Variants in CCDC60 observed in about 807,000 individuals in gnomAD.
CCDC60 encodes coiled-coil domain containing 60, also known as coiled-coil domain-containing protein 60.
A neutral mutation model predicts 63.5 loss-of-function variants in CCDC60; 54 were observed. The ratio of observed to expected loss-of-function variants is 0.85; its 90% CI spans 0.68 to 1.07. The LOEUF (loss-of-function observed/expected upper bound fraction) is 1.07, where lower values mean the gene tolerates loss of function less well. CCDC60 is among the 50% of genes least tolerant of loss of function. The probability of loss-of-function intolerance (pLI) is 0.00; values close to 1 mark genes in which losing one functional copy is unlikely to be tolerated. For synonymous variants in CCDC60, 206 were observed against 238.8 expected, an observed-to-expected ratio of 0.86 and a Z score of 1.27; for missense variants, 651 against 684.3, an observed-to-expected ratio of 0.95 and a Z score of 0.54.
chr12:119,371,483 G>A (rs894225619), intron 1 of CCDC60, among the ~76,000 whole-genome samples: 65 of 152,242 alleles, frequency 4.3e-4, no homozygotes, highest in African/African-American at 1.5e-3. Flanking sequence ...TGAATGACTC[G>A]GTCTGCTTTG....
rs535661364 is a variant in CCDC60, at chr12:119,516,675, A to T, written c.936A>T (p.Thr312=). 2 of 1,613,930 alleles carry T rather than the reference A, an allele frequency of 1.2e-6. No individual in the cohort carries two copies. The highest frequency in any genetic ancestry group is 2.2e-5 in the South Asian group (2 of 91,076). ...MVREDARRTV[T]IENGMQRKAP... is the part of the protein sequence containing the mutation. Reference sequence around the variant, plus strand: ...GGGAAGATGCCCGGAGGACAGTCACAATAGAAAATGGGATGCAAAGAAAAG... The same window carrying T: ...GGGAAGATGCCCGGAGGACAGTCACTATAGAAAATGGGATGCAAAGAAAAG... The change falls in exon 8 of 14, where the codon ACA becomes ACT. Residue 312 remains threonine, a synonymous_variant. Coordinates refer to ENST00000327554, the MANE Select transcript of CCDC60 (RefSeq NM_178499.5).
intron 1 of CCDC60, among the ~76,000 whole-genome samples, chr12:119,358,287 C>T (rs1592987904): frequency 1.3e-5 from 2 of 152,112 alleles, no homozygotes; most frequent in East Asian, 3.9e-4. Context: ...ACCTCTAGTT[C>T]CCTATAAGGT....
At chr12:119,408,075 A>G (rs1303021054) in intron 1 of CCDC60, among the ~76,000 whole-genome samples, 1 of 152,150 alleles carries the variant, frequency 6.6e-6, no homozygotes. Context: ...AGACCAACAC[A>G]TTTTTCTTGC....
intron 1 of CCDC60, among the ~76,000 whole-genome samples, chr12:119,354,482 A>G (rs1339241369): frequency 6.6e-6 from 1 of 152,230 alleles, no homozygotes; most frequent in Admixed American, 6.5e-5. Flanking sequence ...CTCCAGCTGT[A>G]AATGACAGGA....
At chr12:119,386,033 C>T (rs1376759077) in intron 1 of CCDC60, among the ~76,000 whole-genome samples, 1 of 152,220 alleles carries the variant, frequency 6.6e-6, no homozygotes, top group Non-Finnish European at 1.5e-5. Flanking sequence ...GTCCCCAGCT[C>T]CTAGAAGAAT....
At chr12:119,532,877 T>C (rs1952895399) in intron 13 of CCDC60, among the ~76,000 whole-genome samples, 1 of 152,204 alleles carries the variant, frequency 6.6e-6, no homozygotes, top group Non-Finnish European at 1.5e-5. Context: ...GCAGTAAACA[T>C]ATGTGTACAT....
intron 1 of CCDC60, among the ~76,000 whole-genome samples, chr12:119,389,557 C>T (rs1956120013): frequency 1.3e-5 from 2 of 152,052 alleles, no homozygotes; most frequent in African/African-American, 4.8e-5. Context: ...CTCCTTGTCC[C>T]ACTCTCCTAT....
chr12:119,374,949 A>G (rs1182753353), intron 1 of CCDC60, among the ~76,000 whole-genome samples: 2 of 152,116 alleles, frequency 1.3e-5, no homozygotes, highest in African/African-American at 4.8e-5. Flanking sequence ...TGTCATTGCC[A>G]TCTTGGTTTT....
chr12:119,456,010 A>AGAAAGAAAGAAC lies in CCDC60; in HGVS notation c.171-15973_171-15972insCGAAAGAAAGAA, dbSNP rs1950732242. Among the ~76,000 whole-genome samples, 1 of 81,486 alleles carries AGAAAGAAAGAAC rather than the reference A, an allele frequency of 1.2e-5. No homozygotes were observed. The highest frequency in any genetic ancestry group is 2.4e-5 in the Non-Finnish European group (1 of 42,158). 53.5% of individuals were successfully genotyped at this position (81,486 alleles called of 152,430 possible). A position where few individuals can be genotyped will look rare whatever the true frequency, so the allele number is the denominator to read the frequency against. ...GAAAGAGAGAGAGAAAGAGAAAGAA[A>AGAAAGAAAGAAC]GAAAGAAAGAAAGAAAGAAAGAAAG... On this transcript the variant is annotated intron_variant, in intron 2 of 13. Transcript: ENST00000327554. The surrounding 1 kb of genome is among the most constrained non-coding windows in gnomAD (Gnocchi z 4.6).
rs558572848 is a variant in CCDC60 at position 119,399,489 on chromosome 12, G to A, written c.91-29194G>A. On this transcript the variant is annotated intron_variant, in intron 1 of 13. Transcript: ENST00000327554. ...TTTTTTTCCTTTGAGCCTGACATGCGGAGCCAGCTGTTGACTTAGGAAACT... is the reference window on the plus strand; with the variant it reads ...TTTTTTTCCTTTGAGCCTGACATGCAGAGCCAGCTGTTGACTTAGGAAACT... 1.1e-3 allele frequency among the ~76,000 whole-genome samples: 160 copies of A among 152,248 alleles called. 2 individuals carry two copies. The highest frequency in any genetic ancestry group is 3.7e-3 in the African/African-American group (152 of 41,536).
At chr12:119,439,483 G>T (rs763657844) in intron 2 of CCDC60, among the ~76,000 whole-genome samples, 6 of 152,182 alleles carry the variant, frequency 3.9e-5, no homozygotes, top group Non-Finnish European at 7.3e-5. Flanking sequence ...GACAGCGAAT[G>T]GCAATTGTCC....
At position 119,505,156 on chromosome 12, in the gene CCDC60, G is replaced by A. The variant is rs760703876; in HGVS notation, c.736G>A (p.Gly246Arg). The part of the protein sequence containing the change: ...GSTLSLSRAS[G>R]GSSPQSSMIS... ...CACACTCAGTCTGAGTCGGGCCAGT[G>A]GGGGGTCCTCTCCCCAGAGCAGCAT... Residue 246 changes from glycine (G) to arginine (R), a missense_variant, in exon 7 of 14, where the codon GGG (glycine) becomes AGG (arginine). Transcript: ENST00000327554. 6 of 1,613,672 alleles carry A rather than the reference G, an allele frequency of 3.7e-6. No homozygotes were observed. In the African/African-American group the frequency reaches 4.0e-5, roughly 11 times the overall value.
At chr12:119,429,925 T>C (rs1176439682) in intron 2 of CCDC60, among the ~76,000 whole-genome samples, 2 of 152,228 alleles carry the variant, frequency 1.3e-5, no homozygotes, top group Non-Finnish European at 1.5e-5. Context: ...AAAGTAATTC[T>C]AATAATATTT....
intron 2 of CCDC60, among the ~76,000 whole-genome samples, chr12:119,463,138 G>T (rs1314327580): frequency 1.3e-5 from 2 of 152,154 alleles, no homozygotes; most frequent in Non-Finnish European, 2.9e-5. Context: ...TGCCTGTTCT[G>T]TTCTCTGCCC....
At chr12:119,440,297 G>C (rs957864443) in intron 2 of CCDC60, among the ~76,000 whole-genome samples, 1 of 152,158 alleles carries the variant, frequency 6.6e-6, no homozygotes, top group East Asian at 1.9e-4. Context: ...TTGGGAGGCC[G>C]AGGCGGGCGG....
intron 2 of CCDC60, among the ~76,000 whole-genome samples, chr12:119,445,157 G>A (rs988694466): frequency 6.6e-6 from 1 of 152,016 alleles, no homozygotes; most frequent in African/African-American, 2.4e-5. Flanking sequence ...CCTGAGGCCA[G>A]GCGCGGTGGC....
intron 7 of CCDC60, among the ~76,000 whole-genome samples, chr12:119,505,874 A>T (rs1849880448): frequency 6.6e-6 from 1 of 152,228 alleles, no homozygotes; most frequent in Non-Finnish European, 1.5e-5. Flanking sequence ...CATTTTTTTA[A>T]ATTTAGCCCA....
At chr12:119,438,882 G>A (rs1950377945) in intron 2 of CCDC60, among the ~76,000 whole-genome samples, 3 of 151,968 alleles carry the variant, frequency 2.0e-5, no homozygotes, top group Admixed American at 2.0e-4. Context: ...TCTGAATAAG[G>A]ACAGAATGAG....
intron 7 of CCDC60, among the ~76,000 whole-genome samples, chr12:119,510,901 C>G (rs559314794): frequency 6.6e-6 from 1 of 152,322 alleles, no homozygotes; most frequent in South Asian, 2.1e-4. Context: ...AACTTAGTCA[C>G]AGGGCTATGC....
Sources: allele counts gnomAD v4.1 joint callset (sites outside exome capture counted in the v4.1 genomes callset), GRCh38; gene constraint gnomAD v4.1.1; non-coding constraint Gnocchi (gnomAD v3.1); transcripts MANE v1.5; gene names NCBI Gene and HGNC (gene_info 2026-07-23, HGNC 2026-07-21).